PSMA3: variants seen among roughly 807,000 people sequenced by gnomAD.
PSMA3 encodes proteasome 20S subunit alpha 3.
A neutral mutation model predicts 40.0 loss-of-function variants in PSMA3; 8 were observed. That is an observed-to-expected ratio of 0.20 (90% CI 0.12 to 0.36). The LOEUF (loss-of-function observed/expected upper bound fraction) is 0.36. Among genes scored for constraint, PSMA3 ranks in the 10% least tolerant of loss-of-function variants. The pLI, the probability that PSMA3 is intolerant of heterozygous loss-of-function variation, is 1.00. For synonymous variants in PSMA3, 110 were observed against 100.0 expected (o/e 1.10, Z -0.59); for missense variants, 219 against 310.6 (o/e 0.70, Z 2.22).
At chr14:58,252,030 GTTAC>G (rs1890022859) in intron 2 of PSMA3, 85 bp from the exon 3 acceptor site, 4 of 1,374,788 alleles carry the variant, frequency 2.9e-6, no homozygotes, top group South Asian at 2.9e-5. Flanking sequence ...TGCCTTAAAT[GTTAC>G]TTATTTTGTT....
rs111766914 is a variant in PSMA3 at position 58,247,123 on chromosome 14, A to C, written c.22-627A>C. 8.3e-3 allele frequency among the ~76,000 whole-genome samples: 1,258 copies of C among 152,280 alleles called. 22 individuals are homozygous for C. The highest frequency in any genetic ancestry group is 0.028 in the African/African-American group (1,172 of 41,544). ...AGAAGACTTTTCCTTCATATCTTAA[A>C]TGGCTAGCTCCTTGTCATTTAGGTT... On this transcript the variant is annotated intron_variant, in intron 1 of 10. Coordinates refer to ENST00000216455, the MANE Select transcript of PSMA3 (RefSeq NM_002788.4).
chr14:58,262,634 C>T (rs1890317507), intron 6 of PSMA3, among the ~76,000 whole-genome samples: 1 of 150,774 alleles, frequency 6.6e-6, no homozygotes, highest in South Asian at 2.1e-4. Context: ...GCAATCTTGG[C>T]TCACTGTAAC....
chr14:58,271,325 TTC>T (rs1491474076), intron 10 of PSMA3, among the ~76,000 whole-genome samples: 3 of 114,732 alleles, frequency 2.6e-5, no homozygotes, highest in Non-Finnish European at 5.3e-5. Flanking sequence ...TAAATATTTG[TTC>T]TTTTTTTTTT....
chr14:58,269,542 C>G (rs1303355351), intron 8 of PSMA3: 1 of 151,960 alleles, frequency 6.6e-6, no homozygotes, highest in East Asian at 1.9e-4. Flanking sequence ...AAGCAAGTCT[C>G]CTGCCTCAGT....
rs11445029 is a variant in PSMA3 at position 58,252,821 on chromosome 14, G to GAAA, written c.228+591_228+593dup. Among the ~76,000 whole-genome samples, 145 of 138,282 alleles carry GAAA rather than the reference G, an allele frequency of 1.0e-3. 2 individuals are homozygous for GAAA. The South Asian group carries it at 0.013, about 12-fold the overall frequency. 90.7% of individuals were successfully genotyped at this position (138,282 alleles called of 152,430 possible). ...GGCTTAGTGAGAACCACTACTGAAA[G>GAAA]AAAAAAAAAAAAAAGAATCAAATGA... is the stretch of plus-strand genomic sequence containing the variant. On this transcript the variant is annotated intron_variant, in intron 3 of 10. Transcript: ENST00000216455.
intron 1 of PSMA3, among the ~76,000 whole-genome samples, chr14:58,246,321 A>G (rs1889878935): frequency 6.6e-6 from 1 of 152,210 alleles, no homozygotes; most frequent in African/African-American, 2.4e-5. Context: ...GTGAATGGTC[A>G]TATGAAAAAA....
At chr14:58,246,336 T>C (rs1889879262) in intron 1 of PSMA3, among the ~76,000 whole-genome samples, 1 of 152,222 alleles carries the variant, frequency 6.6e-6, no homozygotes, top group Non-Finnish European at 1.5e-5. Context: ...AAAAAATCTG[T>C]TATTCATCTT....
intron 1 of PSMA3, among the ~76,000 whole-genome samples, chr14:58,245,728 T>A (rs1172493671): frequency 1.3e-5 from 2 of 152,238 alleles, no homozygotes; most frequent in East Asian, 3.8e-4. Context: ...AAATACAGTT[T>A]CTAAAAGATT....
intron 2 of PSMA3, among the ~76,000 whole-genome samples, chr14:58,249,745 A>G (rs900741584): frequency 1.3e-5 from 2 of 152,132 alleles, no homozygotes; most frequent in African/African-American, 4.8e-5. Flanking sequence ...AGCCCAAGTG[A>G]TCCGCCTGCT....
intron 7 of PSMA3, chr14:58,265,477 T>G (rs755047275): frequency 6.6e-6 from 1 of 152,212 alleles, no homozygotes; most frequent in African/African-American, 2.4e-5. Flanking sequence ...GTAAGTTTTA[T>G]TGGAACACAG....
intron 6 of PSMA3, among the ~76,000 whole-genome samples, chr14:58,262,248 G>A (rs541377886): frequency 1.9e-4 from 29 of 152,120 alleles, no homozygotes; most frequent in Middle Eastern, 6.8e-3. Flanking sequence ...TTCAGACAGC[G>A]TCTCGCTCTG....
intron 3 of PSMA3, among the ~76,000 whole-genome samples, chr14:58,257,490 C>G (rs6573197): frequency 6.6e-6 from 1 of 151,016 alleles, no homozygotes; most frequent in Non-Finnish European, 1.5e-5. Context: ...AGAGCGAGAC[C>G]CCGTATCAAA....
intron 8 of PSMA3, 32 bp downstream of exon 8, chr14:58,267,552 A>T (rs938315437): frequency 6.4e-7 from 1 of 1,557,624 alleles, no homozygotes; most frequent in Non-Finnish European, 8.6e-7. Context: ...CATCCACAAA[A>T]ATATTTCATT....
At chr14:58,248,664 A>T (rs1241881931) in intron 2 of PSMA3, among the ~76,000 whole-genome samples, 1 of 152,088 alleles carries the variant, frequency 6.6e-6, no homozygotes, top group Non-Finnish European at 1.5e-5. Flanking sequence ...CTGAATGAAG[A>T]AAAAATGCAG....
In PSMA3 at chr14:58,244,843, A is replaced by G. The variant is rs1889838728; in HGVS notation, c.-78A>G. ...AGTTCAGCCAATGAGCGGGCCTGTT[A>G]CTAGTTTGCGGCATCCTGTGGTATA... is the stretch of plus-strand genomic sequence containing the variant. On this transcript the variant is annotated 5_prime_UTR_variant, in exon 1 of 11. Coordinates refer to ENST00000216455, the MANE Select transcript of PSMA3 (RefSeq NM_002788.4). 5 of 1,584,296 alleles carry G rather than the reference A, an allele frequency of 3.2e-6. No homozygotes were observed. Among genetic ancestry groups the G allele is most frequent in the Non-Finnish European group, 4.3e-6 (5 of 1,152,888 alleles).
intron 2 of PSMA3, 93 bp downstream of exon 2, chr14:58,247,925 TA>T (rs1302658209): frequency 9.2e-6 from 7 of 758,222 alleles, no homozygotes; most frequent in Non-Finnish European, 1.5e-5. Context: ...TACAAATTAG[TA>T]TATGTCCCCA....
chr14:58,269,862 T>C (rs1032361182), intron 8 of PSMA3: 1 of 152,060 alleles, frequency 6.6e-6, no homozygotes, highest in African/African-American at 2.4e-5. Context: ...TTTTTTTTTT[T>C]CTGAGATGGA....
intron 3 of PSMA3, among the ~76,000 whole-genome samples, chr14:58,254,340 A>ATGTATATATATATATATATATATGTATG (rs1555352266): frequency 8.6e-5 from 3 of 34,780 alleles, no homozygotes; most frequent in African/African-American, 2.9e-4. Context: ...ATGCATATAT[A>ATGTATATATATATATATATATATGTATG]TATGTATGTA....
intron 9 of PSMA3, 26 bp from the exon 10 acceptor site, chr14:58,270,908 A>T (rs779739430): frequency 5.8e-6 from 9 of 1,555,246 alleles, no homozygotes; most frequent in Non-Finnish European, 7.1e-6. Context: ...TTTAAAATTC[A>T]TTTACACATG....
Sources: allele counts gnomAD v4.1 joint callset (sites outside exome capture counted in the v4.1 genomes callset), GRCh38; gene constraint gnomAD v4.1.1; transcripts MANE v1.5; gene names NCBI Gene and HGNC (gene_info 2026-07-23, HGNC 2026-07-21).